Variants in NBEAL2 observed in about 807,000 individuals in gnomAD.
NBEAL2 encodes the protein neurobeachin-like protein 2.
In NBEAL2, 160 loss-of-function variants were observed where a neutral mutation model predicts 299.8. That is an observed-to-expected ratio of 0.53 (90% CI 0.47 to 0.61). The LOEUF (loss-of-function observed/expected upper bound fraction) is 0.61, where lower values mean the gene tolerates loss of function less well. Ranked by LOEUF, NBEAL2 falls within the 20% of genes least tolerant of loss-of-function variation. NBEAL2 has a pLI of 0.00. For synonymous variants in NBEAL2, 1,493 were observed against 1,542.3 expected (o/e 0.97, Z 0.75); for missense variants, 3,112 against 3,649.0 (o/e 0.85, Z 3.79).
At position 47,004,867 on chromosome 3, in the gene NBEAL2, C is replaced by G; in HGVS notation, c.6295-105C>G. On this transcript the variant is annotated intron_variant, in intron 38 of 53. Coordinates refer to ENST00000450053, the MANE Select transcript of NBEAL2 (RefSeq NM_015175.3). The surrounding 1 kb of genome is among the most constrained non-coding windows in gnomAD (Gnocchi z 5.0). ...CCCCTCTAAGTGGTGCTCCCCCAAC[C>G]TGTGGGCAGGCTCTGTGCCCGCCTT... 1 of 1,501,942 alleles carries G rather than the reference C, an allele frequency of 6.7e-7. No homozygotes were observed. Among genetic ancestry groups the G allele is most frequent in the South Asian group, 1.3e-5 (1 of 78,928 alleles). 93.0% of individuals were successfully genotyped at this position (1,501,942 alleles called of 1,614,324 possible).
Position 47,007,369 on chromosome 3 carries a change from G to A in NBEAL2, c.7334+19G>A. 1 of 1,585,594 alleles carries A rather than the reference G, an allele frequency of 6.3e-7. No individual in the cohort carries two copies. The highest frequency in any genetic ancestry group is 8.6e-7 in the Non-Finnish European group (1 of 1,165,400). On this transcript the variant is annotated intron_variant, in intron 47 of 53. Coordinates refer to ENST00000450053, the MANE Select transcript of NBEAL2 (RefSeq NM_015175.3). Reference sequence around the variant, plus strand: ...GCCACAAGTAGGACAGAGGGCTGTGGGTGGGGTGGGCTACAAATGCCCTGC... The same window carrying A: ...GCCACAAGTAGGACAGAGGGCTGTGAGTGGGGTGGGCTACAAATGCCCTGC...
In NBEAL2 at chr3:47,002,786, G is replaced by A. The variant is rs768558716; in HGVS notation, c.5443G>A (p.Gly1815Arg). ...ALWRQLASPCGAWALRDTPIP... is the reference protein window; with the variant it reads ...ALWRQLASPCRAWALRDTPIP... ...GTGGCGCCAGCTCGCCAGCCCATGTGGGGCCTGGGCGCTGAGGTGGGCCGG... is the reference window on the plus strand; with the variant it reads ...GTGGCGCCAGCTCGCCAGCCCATGTAGGGCCTGGGCGCTGAGGTGGGCCGG... The change falls in exon 33 of 54, where the codon GGG (glycine) becomes AGG (arginine). Residue 1815 changes from glycine (G) to arginine (R), a missense_variant. Around this residue, in one of 3 missense-constraint regions of NBEAL2, gnomAD observed 2,243 missense variants for 2,538.1 expected, o/e 0.88. Transcript: ENST00000450053. The A allele has an allele frequency of 1.0e-5, 16 of 1,561,828 alleles. No individual in the cohort carries two copies. In the Admixed American group the frequency reaches 1.1e-4, roughly 11 times the overall value.
In NBEAL2 at chr3:46,988,579, AT is replaced by A; in HGVS notation, c.52-88del. 1 of 1,145,876 alleles carries A rather than the reference AT, an allele frequency of 8.7e-7. No homozygotes were observed. The highest frequency in any genetic ancestry group is 1.3e-6 in the Non-Finnish European group (1 of 773,060). The allele number at this position is 1,145,876 out of a possible 1,614,324, so 71.0% of individuals were successfully genotyped here. On this transcript the variant is annotated intron_variant, in intron 1 of 53. Transcript: ENST00000450053. This position sits in a 1 kb window ranked among gnomAD's most constrained non-coding sequence, Gnocchi z 4.4. The stretch of plus-strand genomic sequence containing the variant: ...CCATGCCCTCTGTCCACCTCCATTC[AT>A]TCTTCGCCTCTGTCTACATCCCCTT...
intron 1 of NBEAL2, among the ~76,000 whole-genome samples, chr3:46,981,035 G>C (rs976564363): frequency 6.6e-6 from 1 of 152,212 alleles, no homozygotes; most frequent in Non-Finnish European, 1.5e-5. Flanking sequence ...TCTTCAGTCC[G>C]CTCAGGTTGT....
intron 52 of NBEAL2, 119 bp downstream of exon 52, chr3:47,008,787 C>G: frequency 2.7e-6 from 4 of 1,492,144 alleles, no homozygotes; most frequent in Non-Finnish European, 2.7e-6. Flanking sequence ...AGGTTTGTTA[C>G]CTGTCCCTTC....
At chr3:46,994,362 A>G in intron 11 of NBEAL2, 93 bp from the exon 12 acceptor site, 1 of 1,239,034 alleles carries the variant, frequency 8.1e-7, no homozygotes, top group Non-Finnish European at 1.1e-6. Context: ...AGGGAACCCC[A>G]AAACATGATG....
chr3:46,987,699 G>A (rs1331881405), intron 1 of NBEAL2, among the ~76,000 whole-genome samples: 1 of 152,192 alleles, frequency 6.6e-6, no homozygotes, highest in Non-Finnish European at 1.5e-5. Context: ...GGGTACTGCA[G>A]CAGCAGGATC....
Position 47,005,524 on chromosome 3 carries a change from C to A in NBEAL2, c.6596C>A (p.Ala2199Glu). 6.2e-7 allele frequency: 1 copy of A among 1,610,948 alleles called. No homozygotes were observed. The highest frequency in any genetic ancestry group is 1.1e-5 in the South Asian group (1 of 90,616). ...TCCGACCGGCAGTTCCACTCGGTGG[C>A]GGCAGCCTGGCAGGCACGCCTGGAG... ...DCSDRQFHSV[A>E]AAWQARLESP... is the part of the protein sequence containing the mutation. Residue 2199 changes from alanine to glutamate, a missense_variant, in exon 41 of 54, where the codon GCG (alanine) becomes GAG (glutamate). Physicochemically the swap from Ala to Glu is moderately radical, Grantham distance 107. Transcript: ENST00000450053.
At position 47,001,896 on chromosome 3, in the gene NBEAL2, C is replaced by T. The variant is rs73075647; in HGVS notation, c.4783-24C>T. The T allele has an allele frequency of 0.18, 290,939 of 1,605,488 alleles. 28,094 individuals carry two copies. The highest frequency in any genetic ancestry group is 0.21 in the Middle Eastern group (1,246 of 6,036). On this transcript the variant is annotated intron_variant, in intron 30 of 53. Coordinates refer to ENST00000450053, the MANE Select transcript of NBEAL2 (RefSeq NM_015175.3). This position sits in a 1 kb window ranked among gnomAD's most constrained non-coding sequence, Gnocchi z 6.1. ...GGGAGCTCCAAGAGTGGCTGGGTGC[C>T]ACTCATCTCTCTTGCGCCCACAGCT...
rs371768924 is a variant in NBEAL2 at position 46,995,370 on chromosome 3, G to A, written c.1635G>A (p.Ser545=). Residue 545 remains serine, a synonymous_variant, in exon 13 of 54, where the codon TCG becomes TCA. Transcript: ENST00000450053. The part of the protein sequence containing the change: ...HLLRPRPGLD[S]EPGGAEAGKA... ...TGCGCCCCCGGCCAGGATTGGACTC[G>A]GAACCAGGCGGAGCTGAGGCTGGAA... The A allele has an allele frequency of 7.6e-4, 1,220 of 1,612,192 alleles. 1 individual carries two copies. Among genetic ancestry groups the A allele is most frequent in the Non-Finnish European group, 9.6e-4 (1,136 of 1,179,642 alleles).
At position 46,994,450 on chromosome 3, in the gene NBEAL2, C is replaced by T. The variant is rs2036324749; in HGVS notation, c.1198-5C>T. On this transcript the variant is annotated splice_region_variant and splice_polypyrimidine_tract_variant and intron_variant, in intron 11 of 53. Coordinates refer to ENST00000450053, the MANE Select transcript of NBEAL2 (RefSeq NM_015175.3). The stretch of plus-strand genomic sequence containing the variant: ...TTCACTTCTTCCCCATACTACCTTA[C>T]ACAGGAGGTGTTTAAGGAGCGCATC... 2 of 1,583,904 alleles carry T rather than the reference C, an allele frequency of 1.3e-6. No homozygotes were observed. Among genetic ancestry groups the T allele is most frequent in the African/African-American group, 1.3e-5 (1 of 74,524 alleles).
rs1422366608 is a variant in NBEAL2 at position 47,009,053 on chromosome 3, G to A, written c.8092G>A (p.Glu2698Lys). The change falls in exon 53 of 54, where the codon GAG becomes AAG. Residue 2698 changes from glutamate to lysine, a missense_variant. By Grantham distance (56) the Glu-to-Lys change is moderately conservative. Transcript: ENST00000450053. ...VAIRSVAVTKERSHVLVGLED... is the reference protein window; with the variant it reads ...VAIRSVAVTKKRSHVLVGLED... ...CATCCGCAGCGTGGCCGTGACCAAG[G>A]AGCGCAGCCACGTGCTGGTGGGCCT... The A allele has an allele frequency of 1.2e-6, 2 of 1,601,962 alleles. No homozygotes were observed. Among genetic ancestry groups the A allele is most frequent in the Non-Finnish European group, 1.7e-6 (2 of 1,179,780 alleles).
At position 46,998,673 on chromosome 3, in the gene NBEAL2, G is replaced by T. The variant is rs189111289; in HGVS notation, c.3222-44G>T. ...ACTCACCTGCCCACCCTCTCTCCCC[G>T]CCTTTCTTTGGGACCTGGCTGGGTG... On this transcript the variant is annotated intron_variant, in intron 22 of 53. Transcript: ENST00000450053. 1,724 of 1,555,078 alleles carry T rather than the reference G, an allele frequency of 1.1e-3. 7 individuals are homozygous for T. The highest frequency in any genetic ancestry group is 1.4e-3 in the Non-Finnish European group (1,567 of 1,147,912).
rs563390060 is a variant in NBEAL2 at position 46,991,952 on chromosome 3, T to G, written c.1032+6T>G. On this transcript the variant is annotated splice_donor_region_variant and intron_variant, in intron 9 of 53. Coordinates refer to ENST00000450053, the MANE Select transcript of NBEAL2 (RefSeq NM_015175.3). The surrounding 1 kb of genome is among the most constrained non-coding windows in gnomAD (Gnocchi z 6.2). ...GGCTCATTCAGAACAGCAAGGTGGGTAGGGCCCAGCCTGGGGGTGAGGGTC... is the reference window on the plus strand; with the variant it reads ...GGCTCATTCAGAACAGCAAGGTGGGGAGGGCCCAGCCTGGGGGTGAGGGTC... 6.3e-7 allele frequency: 1 copy of G among 1,587,358 alleles called. No individual in the cohort carries two copies. Among genetic ancestry groups the G allele is most frequent in the Non-Finnish European group, 8.6e-7 (1 of 1,166,840 alleles).
In NBEAL2 at chr3:47,001,230, G is replaced by A. The variant is rs1159467132; in HGVS notation, c.4485-49G>A. On this transcript the variant is annotated intron_variant, in intron 28 of 53. Transcript: ENST00000450053. The surrounding 1 kb of genome is among the most constrained non-coding windows in gnomAD (Gnocchi z 6.1). ...GGGGCTTCAGGAAGCCTCGGGGGAAGGAGAGAAGATAGTCAGGTAGACCCT... is the reference window on the plus strand; with the variant it reads ...GGGGCTTCAGGAAGCCTCGGGGGAAAGAGAGAAGATAGTCAGGTAGACCCT... 6.2e-7 allele frequency: 1 copy of A among 1,600,942 alleles called. No individual in the cohort carries two copies. The highest frequency in any genetic ancestry group is 1.3e-5 in the African/African-American group (1 of 74,486).
Position 47,002,084 on chromosome 3 carries a change from TGCAGCTGCA to T in NBEAL2, c.4967_4975del (p.Ala1656_Ala1658del), listed in dbSNP as rs535036383. The T allele has an allele frequency of 9.3e-4, 1,442 of 1,551,646 alleles. 2 individuals are homozygous for T. Among genetic ancestry groups the T allele is most frequent in the Non-Finnish European group, 1.1e-3 (1,277 of 1,147,500 alleles). On this transcript the variant is annotated inframe_deletion, in exon 31 of 54. Coordinates refer to ENST00000450053, the MANE Select transcript of NBEAL2 (RefSeq NM_015175.3). ...CCACTGATGAGGCAGGGTCCCCACT[TGCAGCTGCA>T]GCAGCTGCAGCAGCTGCAGAGCGCT...
chr3:47,000,513 G>T lies in NBEAL2; in HGVS notation c.4305+109G>T. 1 of 1,411,002 alleles carries T rather than the reference G, an allele frequency of 7.1e-7. No individual in the cohort carries two copies. Among genetic ancestry groups the T allele is most frequent in the Non-Finnish European group, 9.6e-7 (1 of 1,046,600 alleles). 87.4% of individuals were successfully genotyped at this position (1,411,002 alleles called of 1,614,324 possible). ...AAAGGTGTGGCCCTGTCTGACCAGG[G>T]TTGCAGCCACTGGTCAGGCCTATTG... On this transcript the variant is annotated intron_variant, in intron 27 of 53. Transcript: ENST00000450053. The surrounding 1 kb of genome is among the most constrained non-coding windows in gnomAD (Gnocchi z 4.5).
Position 47,009,444 on chromosome 3 carries a change from C to G in NBEAL2, c.*124C>G, listed in dbSNP as rs975454450. ...GGGGGGTGAGCGGGGCCCACCCTGCCCAGCTCAGGGATTGGCGGGCGATGT... is the reference window on the plus strand; with the variant it reads ...GGGGGGTGAGCGGGGCCCACCCTGCGCAGCTCAGGGATTGGCGGGCGATGT... On this transcript the variant is annotated 3_prime_UTR_variant, in exon 54 of 54. Transcript: ENST00000450053. The G allele has an allele frequency of 2.3e-6, 2 of 875,864 alleles. No individual in the cohort carries two copies. The highest frequency in any genetic ancestry group is 4.9e-5 in the Admixed American group (2 of 40,852). 54.3% of individuals were successfully genotyped at this position (875,864 alleles called of 1,614,324 possible).
chr3:47,009,223 G>A lies in NBEAL2; in HGVS notation c.8168G>A (p.Arg2723His), dbSNP rs777940269. The change falls in exon 54 of 54, where the codon CGC (arginine) becomes CAC (histidine). Residue 2723 changes from arginine (R) to histidine (H), a missense_variant. Transcript: ENST00000450053. ...VVVAGQPSEVRSSQFARKLWR... is the reference protein window; with the variant it reads ...VVVAGQPSEVHSSQFARKLWR... ...CTCAACCCTTACGCCCACCAGGTGC[G>A]CAGCAGCCAGTTCGCGCGGAAGCTG... is the stretch of plus-strand genomic sequence containing the variant. 2.3e-5 allele frequency: 37 copies of A among 1,594,318 alleles called. No individual in the cohort carries two copies. The Admixed American group carries it at 4.1e-4, about 18-fold the overall frequency.
Sources: allele counts gnomAD v4.1 joint callset (sites outside exome capture counted in the v4.1 genomes callset), GRCh38; gene constraint gnomAD v4.1.1; regional missense constraint gnomAD v4.1.1; non-coding constraint Gnocchi (gnomAD v3.1); transcripts MANE v1.5; gene names NCBI Gene and HGNC (gene_info 2026-07-23, HGNC 2026-07-21).